RABGAP1L: variants seen among roughly 807,000 people sequenced by gnomAD.
The protein encoded by RABGAP1L is RAB GTPase activating protein 1 like, also known as rab GTPase-activating protein 1-like.
In RABGAP1L, 63 loss-of-function variants were observed where a neutral mutation model predicts 137.7. The ratio of observed to expected loss-of-function variants is 0.46; its 90% confidence interval spans 0.37 to 0.56. RABGAP1L has a LOEUF of 0.56. Among genes scored for constraint, RABGAP1L ranks in the 20% least tolerant of loss-of-function variants. The pLI is 0.00. For synonymous variants in RABGAP1L, 431 were observed against 433.7 expected, an observed-to-expected ratio of 0.99 and a Z score of 0.08; for missense variants, 1,095 against 1,244.0, an observed-to-expected ratio of 0.88 and a Z score of 1.80.
At chr1:174,849,467 A>G (rs1341667709) in intron 19 of RABGAP1L, among the ~76,000 whole-genome samples, 1 of 152,216 alleles carries the variant, frequency 6.6e-6, no homozygotes, top group Non-Finnish European at 1.5e-5. Context: ...GCTGACATGT[A>G]CATATAAAAT....
intron 19 of RABGAP1L, among the ~76,000 whole-genome samples, chr1:174,913,275 C>T (rs558171459): frequency 3.3e-4 from 50 of 152,158 alleles, no homozygotes; most frequent in African/African-American, 1.1e-3. Context: ...TGCGCCCGAC[C>T]TCTACATGCT....
chr1:174,236,529 C>T (rs1310743182), intron 4 of RABGAP1L, among the ~76,000 whole-genome samples: 4 of 150,544 alleles, frequency 2.7e-5, no homozygotes, highest in African/African-American at 4.9e-5. Context: ...GTTATGTACC[C>T]AGTAGTCATT....
chr1:174,473,514 C>CT (rs1418676177), intron 13 of RABGAP1L, among the ~76,000 whole-genome samples: 9 of 152,106 alleles, frequency 5.9e-5, no homozygotes, highest in African/African-American at 2.2e-4. Flanking sequence ...CAGTGTTTTC[C>CT]TTTCCTGTAC....
rs531400330 is a variant in RABGAP1L at position 174,609,723 on chromosome 1, T to C, written c.1711-27652T>C. 7.2e-4 allele frequency among the ~76,000 whole-genome samples: 109 copies of C among 152,326 alleles called. 1 individual carries two copies. The highest frequency in any genetic ancestry group is 2.4e-3 in the African/African-American group (101 of 41,588). ...TTTAAAAACAAAATCTATTGTAATTTGCTTCTAACAGTGTTTTATACACCT... is the reference window on the plus strand; with the variant it reads ...TTTAAAAACAAAATCTATTGTAATTCGCTTCTAACAGTGTTTTATACACCT... On this transcript the variant is annotated intron_variant, in intron 13 of 25. Transcript: ENST00000681986.
At chr1:174,572,445 G>T (rs1557860231) in intron 13 of RABGAP1L, among the ~76,000 whole-genome samples, 2 of 152,104 alleles carry the variant, frequency 1.3e-5, no homozygotes, top group African/African-American at 4.8e-5. Flanking sequence ...GAGTGCAGTG[G>T]TACAATCTTG....
chr1:174,201,833 A>G (rs12093930), intron 1 of RABGAP1L, among the ~76,000 whole-genome samples: 74,279 of 127,612 alleles, frequency 0.58, 23,098 homozygotes, highest in African/African-American at 0.85. Context: ...CCCGGTGTGT[A>G]ATGTTCCCCT....
At chr1:174,418,068 A>G (rs1305323824) in intron 13 of RABGAP1L, among the ~76,000 whole-genome samples, 3 of 152,176 alleles carry the variant, frequency 2.0e-5, no homozygotes, top group Non-Finnish European at 4.4e-5. Context: ...CCAGAGGTGA[A>G]ATTTCAAATG....
At chr1:174,421,771 G>C (rs968597613) in intron 13 of RABGAP1L, among the ~76,000 whole-genome samples, 4 of 152,048 alleles carry the variant, frequency 2.6e-5, no homozygotes, top group Admixed American at 2.6e-4. Context: ...TGTTTGTTTT[G>C]TGTGTTTTTG....
At chr1:174,719,027 T>C (rs332782) in intron 17 of RABGAP1L, among the ~76,000 whole-genome samples, 56,447 of 151,458 alleles carry the variant, frequency 0.37, 13,869 homozygotes, top group African/African-American at 0.7. Context: ...TTAGTAGAGA[T>C]GGGGTTTCTC....
chr1:174,631,346 G>T (rs995829454), intron 13 of RABGAP1L, among the ~76,000 whole-genome samples: 2 of 139,776 alleles, frequency 1.4e-5, no homozygotes, highest in Non-Finnish European at 3.0e-5. Context: ...GTGTGGTGTG[G>T]TGCTGAAAAA....
At chr1:174,607,725 G>A (rs1168682432) in intron 13 of RABGAP1L, among the ~76,000 whole-genome samples, 1 of 152,212 alleles carries the variant, frequency 6.6e-6, no homozygotes, top group African/African-American at 2.4e-5. Flanking sequence ...ACTTGGAAGA[G>A]TGTTATTTCC....
chr1:174,523,786 T>TC (rs1288516563), intron 13 of RABGAP1L, among the ~76,000 whole-genome samples: 1 of 152,310 alleles, frequency 6.6e-6, no homozygotes, highest in East Asian at 1.9e-4. Flanking sequence ...CATTTCCACC[T>TC]CCCACCATCA....
chr1:174,822,192 C>T (rs1375275777), intron 19 of RABGAP1L, among the ~76,000 whole-genome samples: 1 of 152,140 alleles, frequency 6.6e-6, no homozygotes, highest in Non-Finnish European at 1.5e-5. Flanking sequence ...ACCTGGGAGG[C>T]GGAAGTTGTG....
chr1:174,184,513 A>T (rs912739299), intron 1 of RABGAP1L, among the ~76,000 whole-genome samples: 1 of 152,330 alleles, frequency 6.6e-6, no homozygotes, highest in Admixed American at 6.5e-5. Flanking sequence ...CCCCACTAGC[A>T]GTGAATGAAA....
At chr1:174,833,919 T>C (rs1692451557) in intron 19 of RABGAP1L, among the ~76,000 whole-genome samples, 1 of 152,184 alleles carries the variant, frequency 6.6e-6, no homozygotes, top group South Asian at 2.1e-4. Flanking sequence ...ACATTGTAAG[T>C]TGAGGCCCTA....
chr1:174,779,683 ATC>A (rs1686804798), intron 18 of RABGAP1L, among the ~76,000 whole-genome samples: 1 of 152,216 alleles, frequency 6.6e-6, no homozygotes, highest in Non-Finnish European at 1.5e-5. Context: ...TTAGAAAGAA[ATC>A]ATACTAACCC....
chr1:174,803,177 A>G (rs1688919250), intron 18 of RABGAP1L, among the ~76,000 whole-genome samples: 1 of 152,202 alleles, frequency 6.6e-6, no homozygotes, highest in Admixed American at 6.5e-5. Flanking sequence ...TGATTCACAG[A>G]GGGATCGTCA....
At chr1:174,604,072 T>G (rs1204615338) in intron 13 of RABGAP1L, among the ~76,000 whole-genome samples, 2 of 152,004 alleles carry the variant, frequency 1.3e-5, no homozygotes, top group Non-Finnish European at 2.9e-5. Context: ...ATAGCTTGTG[T>G]GTACCCCATG....
chr1:174,239,337 T>C (rs760376067), intron 4 of RABGAP1L, among the ~76,000 whole-genome samples: 2 of 152,176 alleles, frequency 1.3e-5, no homozygotes, highest in African/African-American at 2.4e-5. Context: ...TTCCTCTCCC[T>C]TTCTCTGTCT....
Sources: gnomAD v4.1 joint callset for allele counts (sites outside exome capture counted in the v4.1 genomes callset) on GRCh38, gnomAD v4.1.1 for gene constraint, MANE v1.5 for transcripts, NCBI Gene and HGNC (gene_info 2026-07-23, HGNC 2026-07-21) for gene names.